ZNF639: variants seen among roughly 807,000 people sequenced by gnomAD.
ZNF639 encodes zinc finger protein 639, also known as zinc finger amplified in esophageal squamous cell carcinomas 1.
ZNF639 carries 20 observed loss-of-function variants against 39.8 expected under a neutral mutation model. The ratio of observed to expected loss-of-function variants is 0.50; its 90% CI spans 0.35 to 0.73. The LOEUF (loss-of-function observed/expected upper bound fraction) is 0.73. Ranked by LOEUF, ZNF639 falls within the 30% of genes least tolerant of loss-of-function variation. The pLI is 0.00. For synonymous variants in ZNF639, 176 were observed against 189.8 expected (o/e 0.93, Z 0.60); for missense variants, 477 against 566.2 (o/e 0.84, Z 1.60).
Position 179,335,071 on chromosome 3 carries a change from TGAG to T in ZNF639, c.*652_*654del, listed in dbSNP as rs780895706. 4.6e-5 allele frequency: 7 copies of T among 152,218 alleles called. No individual in the cohort carries two copies. Among genetic ancestry groups the T allele is most frequent in the Admixed American group, 1.3e-4 (2 of 15,276 alleles). 9.4% of individuals were successfully genotyped at this position (152,218 alleles called of 1,614,324 possible). A position where few individuals can be genotyped will look rare whatever the true frequency, so the allele number is the denominator to read the frequency against. ...CATAACTTGATGTTTCATTTTCTGTTGAGGAACCATAAATTCATTCACAGACTT... is the reference window on the plus strand; with the variant it reads ...CATAACTTGATGTTTCATTTTCTGTTGAACCATAAATTCATTCACAGACTT... On this transcript the variant is annotated 3_prime_UTR_variant, in exon 6 of 6. Transcript: ENST00000496856.
In ZNF639 at chr3:179,333,498, T is replaced by C; in HGVS notation, c.534T>C (p.Ile178=). Residue 178 remains isoleucine, a synonymous_variant, in exon 6 of 6, where the codon ATT becomes ATC. Transcript: ENST00000496856. ...DEEPPAKLCK[I]LDKSQALNVT... is the part of the protein sequence containing the mutation. ...AACCGCCAGCTAAACTTTGTAAAAT[T>C]CTTGACAAGAGCCAAGCTTTGAATG... 6.2e-7 allele frequency: 1 copy of C among 1,614,156 alleles called. No individual in the cohort carries two copies. The highest frequency in any genetic ancestry group is 1.1e-5 in the South Asian group (1 of 91,086).
intron 4 of ZNF639, among the ~76,000 whole-genome samples, chr3:179,330,582 A>C (rs2108501422): frequency 6.6e-6 from 1 of 152,352 alleles, no homozygotes; most frequent in South Asian, 2.1e-4. Context: ...CACGGCTCTC[A>C]GCCCTAAATC....
Position 179,333,901 on chromosome 3 carries a change from T to G in ZNF639, c.937T>G (p.Cys313Gly), listed in dbSNP as rs1728067930. 6.2e-7 allele frequency: 1 copy of G among 1,614,084 alleles called. No homozygotes were observed. The highest frequency in any genetic ancestry group is 8.5e-7 in the Non-Finnish European group (1 of 1,180,034). The change falls in exon 6 of 6, where the codon TGT (cysteine) becomes GGT (glycine). Residue 313 changes from cysteine to glycine, a missense_variant. Cys to Gly is a radical substitution (Grantham distance 159). Coordinates refer to ENST00000496856, the MANE Select transcript of ZNF639 (RefSeq NM_001303426.2). ...ELYLHFQEHS[C>G]DEQYLCQFCE... Reference sequence around the variant, plus strand: ...CTACCTACATTTCCAGGAGCACAGCTGTGATGAACAGTACTTGTGTCAGTT... The same window carrying G: ...CTACCTACATTTCCAGGAGCACAGCGGTGATGAACAGTACTTGTGTCAGTT...
Position 179,337,353 on chromosome 3 carries a change from T to C in ZNF639, c.*2931T>C, listed in dbSNP as rs1711571359. On this transcript the variant is annotated 3_prime_UTR_variant, in exon 6 of 6. Transcript: ENST00000496856. Reference sequence around the variant, plus strand: ...ACCATATAATTTTGTACTTTTTTTTTTTTCAGACAGTCTTGCTCTGTTGCC... The same window carrying C: ...ACCATATAATTTTGTACTTTTTTTTCTTTCAGACAGTCTTGCTCTGTTGCC... 1 of 151,940 alleles carries C rather than the reference T, an allele frequency of 6.6e-6. No homozygotes were observed. Among genetic ancestry groups the C allele is most frequent in the African/African-American group, 2.4e-5 (1 of 41,350 alleles). The allele number at this position is 151,940 out of a possible 1,614,324, so 9.4% of individuals were successfully genotyped here.
In ZNF639 at chr3:179,333,365, C is replaced by T. The variant is rs1728026659; in HGVS notation, c.401C>T (p.Thr134Ile). The T allele has an allele frequency of 6.2e-7, 1 of 1,614,106 alleles. No individual in the cohort carries two copies. Among genetic ancestry groups the T allele is most frequent in the Non-Finnish European group, 8.5e-7 (1 of 1,179,998 alleles). The change falls in exon 6 of 6, where the codon ACT (threonine) becomes ATT (isoleucine). Residue 134 changes from threonine to isoleucine, a missense_variant. Physicochemically the swap from Thr to Ile is moderately conservative, Grantham distance 89. Transcript: ENST00000496856. ...GAGGAGAGTCCTATAGAAGTTCACA[C>T]TGCTGAAGATGTTCCAATTGCTGTA... is the stretch of plus-strand genomic sequence containing the variant. ...TQEESPIEVHTAEDVPIAVEV... is the reference protein window; with the variant it reads ...TQEESPIEVHIAEDVPIAVEV...
upstream of ZNF639, chr3:179,322,881 A>C (rs1313563732): frequency 3.0e-6 from 3 of 985,098 alleles, no homozygotes; most frequent in Non-Finnish European, 3.6e-6. Context: ...GCGGCGGCGC[A>C]AGGCCTCCGG....
rs1192253801 is a variant in ZNF639 at position 179,338,425 on chromosome 3, A to G, written c.*4003A>G. 1 of 152,156 alleles carries G rather than the reference A, an allele frequency of 6.6e-6. No homozygotes were observed. Among genetic ancestry groups the G allele is most frequent in the Non-Finnish European group, 1.5e-5 (1 of 68,024 alleles). 9.4% of individuals were successfully genotyped at this position (152,156 alleles called of 1,614,324 possible). ...TTCTTTTCCTGCTTATAAATTTGCC[A>G]ATTTTGCCATTTTAAATCACCTTTC... On this transcript the variant is annotated 3_prime_UTR_variant, in exon 6 of 6. Coordinates refer to ENST00000496856, the MANE Select transcript of ZNF639 (RefSeq NM_001303426.2).
rs144754752 is a variant in ZNF639 at position 179,335,388 on chromosome 3, G to A, written c.*966G>A. 2 of 152,322 alleles carry A rather than the reference G, an allele frequency of 1.3e-5. No individual in the cohort carries two copies. Among genetic ancestry groups the A allele is most frequent in the African/African-American group, 4.8e-5 (2 of 41,572 alleles). The allele number at this position is 152,322 out of a possible 1,614,324, so 9.4% of individuals were successfully genotyped here. On this transcript the variant is annotated 3_prime_UTR_variant, in exon 6 of 6. Coordinates refer to ENST00000496856, the MANE Select transcript of ZNF639 (RefSeq NM_001303426.2). ...ATTATAGGCATGAGCCATTATGCCT[G>A]ACTCTTGCCCAAATTTCTGATGTCA...
Position 179,336,732 on chromosome 3 carries a change from A to G in ZNF639, c.*2310A>G, listed in dbSNP as rs1449276851. ...ATCCAGGTTATCTGGTTTACTGTCT[A>G]GTGATGTTTCCATTACATCATGTTA... On this transcript the variant is annotated 3_prime_UTR_variant, in exon 6 of 6. Coordinates refer to ENST00000496856, the MANE Select transcript of ZNF639 (RefSeq NM_001303426.2). 1.3e-5 allele frequency: 2 copies of G among 152,206 alleles called. No individual in the cohort carries two copies. The highest frequency in any genetic ancestry group is 2.9e-5 in the Non-Finnish European group (2 of 68,040). The allele number at this position is 152,206 out of a possible 1,614,324, so 9.4% of individuals were successfully genotyped here.
rs1728053002 is a variant in ZNF639, at chr3:179,333,701, T to C, written c.737T>C (p.Met246Thr). 1.2e-6 allele frequency: 2 copies of C among 1,614,196 alleles called. No homozygotes were observed. Among genetic ancestry groups the C allele is most frequent in the Non-Finnish European group, 1.7e-6 (2 of 1,180,028 alleles). Residue 246 changes from methionine (M) to threonine (T), a missense_variant, in exon 6 of 6, where the codon ATG becomes ACG. Transcript: ENST00000496856. ...RVCKESFSTN[M>T]LLIEHAKLHE... ...TGCAAGGAAAGTTTCTCTACCAATA[T>C]GCTTCTGATAGAACATGCCAAACTG... is the stretch of plus-strand genomic sequence containing the variant.
intron 1 of ZNF639, 122 bp downstream of exon 1, chr3:179,323,413 C>G (rs1324783159): frequency 1.0e-6 from 1 of 982,714 alleles, no homozygotes; most frequent in South Asian, 4.7e-5. Flanking sequence ...TACGGAAACT[C>G]TGCCTTCGTT....
rs1448115361 is a variant in ZNF639 at position 179,323,167 on chromosome 3, A to G, written c.-207A>G. The G allele has an allele frequency of 3.0e-6, 3 of 984,370 alleles. No individual in the cohort carries two copies. The highest frequency in any genetic ancestry group is 3.5e-5 in the African/African-American group (2 of 57,076). 61.0% of individuals were successfully genotyped at this position (984,370 alleles called of 1,614,324 possible). On this transcript the variant is annotated 5_prime_UTR_variant, in exon 1 of 6. Coordinates refer to ENST00000496856, the MANE Select transcript of ZNF639 (RefSeq NM_001303426.2). ...GCCCAGCACAGCGTCCGGGAGCGCT[A>G]GGGCCGGAGCAGCGCTGCCCGCCGC...
intron 1 of ZNF639, among the ~76,000 whole-genome samples, chr3:179,325,957 A>G (rs1727567944): frequency 1.3e-5 from 2 of 152,198 alleles, no homozygotes; most frequent in Admixed American, 6.5e-5. Flanking sequence ...CAGTGCTGAT[A>G]TACCCAGAAC....
At position 179,334,572 on chromosome 3, in the gene ZNF639, C is replaced by G; in HGVS notation, c.*150C>G. On this transcript the variant is annotated 3_prime_UTR_variant, in exon 6 of 6. Coordinates refer to ENST00000496856, the MANE Select transcript of ZNF639 (RefSeq NM_001303426.2). ...ATTATAAAATTTTATTGGCATTGCT[C>G]CATTTTCTGTATATAAATATATCTT... 2 of 496,892 alleles carry G rather than the reference C, an allele frequency of 4.0e-6. No homozygotes were observed. The highest frequency in any genetic ancestry group is 3.4e-6 in the Non-Finnish European group (1 of 298,436). 30.8% of individuals were successfully genotyped at this position (496,892 alleles called of 1,614,324 possible).
At chr3:179,329,905 T>C (rs1576990113) in intron 4 of ZNF639, 177 bp downstream of exon 4, 1 of 289,068 alleles carries the variant, frequency 3.5e-6, no homozygotes, top group Non-Finnish European at 6.2e-6. Context: ...TAATTTTAAC[T>C]ATTCTTTTTT....
intron 4 of ZNF639, 108 bp from the exon 5 acceptor site, chr3:179,332,881 T>C (rs901868643): frequency 1.4e-6 from 2 of 1,395,018 alleles, no homozygotes; most frequent in Non-Finnish European, 1.9e-6. Context: ...ATCCAAGTCC[T>C]TAGTTCCTGT....
At chr3:179,330,682 A>T (rs752088113) in intron 4 of ZNF639, among the ~76,000 whole-genome samples, 1 of 152,110 alleles carries the variant, frequency 6.6e-6, no homozygotes, top group South Asian at 2.1e-4. Context: ...TGTTAGACAC[A>T]GTTCTACTCA....
At position 179,323,220 on chromosome 3, in the gene ZNF639, C is replaced by G. The variant is rs1388948570; in HGVS notation, c.-154C>G. On this transcript the variant is annotated 5_prime_UTR_variant, in exon 1 of 6. Coordinates refer to ENST00000496856, the MANE Select transcript of ZNF639 (RefSeq NM_001303426.2). Reference sequence around the variant, plus strand: ...TGCGTCCGCGGGAAGGACCGCGCGGCCCCTCCGCCTGCGCTCTCGGCCGCC... The same window carrying G: ...TGCGTCCGCGGGAAGGACCGCGCGGGCCCTCCGCCTGCGCTCTCGGCCGCC... The G allele has an allele frequency of 2.0e-6, 2 of 985,052 alleles. No homozygotes were observed. Among genetic ancestry groups the G allele is most frequent in the East Asian group, 2.3e-4 (2 of 8,762 alleles). The allele number at this position is 985,052 out of a possible 1,614,324, so 61.0% of individuals were successfully genotyped here.
At chr3:179,323,626 C>G (rs1469102273) in intron 1 of ZNF639, 6 of 153,848 alleles carry the variant, frequency 3.9e-5, no homozygotes, top group African/African-American at 1.4e-4. Flanking sequence ...CGGCTAAGTC[C>G]CAGGGACTTC....
Sources: allele counts gnomAD v4.1 joint callset (sites outside exome capture counted in the v4.1 genomes callset), GRCh38; gene constraint gnomAD v4.1.1; transcripts MANE v1.5; gene names NCBI Gene and HGNC (gene_info 2026-07-23, HGNC 2026-07-21).